Variants in HARS1 observed in about 807,000 individuals in gnomAD.
The protein encoded by HARS1 is histidyl-tRNA synthetase 1.
Under a neutral mutation model 63.6 loss-of-function variants are expected in HARS1, and 45 were observed. The observed-to-expected ratio is 0.71, with a 90% CI of 0.56 to 0.91. The LOEUF (loss-of-function observed/expected upper bound fraction) is 0.91, where lower values mean the gene tolerates loss of function less well. Ranked by LOEUF, HARS1 falls within the 40% of genes least tolerant of loss-of-function variation. The pLI is 0.00. For synonymous variants in HARS1, 205 were observed against 247.1 expected (o/e 0.83, Z 1.60); for missense variants, 508 against 643.2 (o/e 0.79, Z 2.27).
At chr5:140,685,701 C>A (rs1465937865) in intron 2 of HARS1, among the ~76,000 whole-genome samples, 41 of 136,570 alleles carry the variant, frequency 3.0e-4, no homozygotes, top group African/African-American at 1.1e-3. Flanking sequence ...AGCCTGGTGA[C>A]AGAGTGAGAC....
chr5:140,674,244 T>C lies in HARS1; in HGVS notation c.*13A>G. The stretch of plus-strand genomic sequence containing the variant: ...GCCAGTCCCACTTCCTTTCCTCTGA[T>C]AGTTTGTTCAGTTCAGCAGATGCAG... On this transcript the variant is annotated 3_prime_UTR_variant, in exon 13 of 13. Coordinates refer to ENST00000504156, the MANE Select transcript of HARS1 (RefSeq NM_002109.6). 1.3e-6 allele frequency: 2 copies of C among 1,545,910 alleles called. No individual in the cohort carries two copies. Among genetic ancestry groups the C allele is most frequent in the African/African-American group, 1.4e-5 (1 of 73,688 alleles).
Position 140,676,725 on chromosome 5 carries a change from G to A in HARS1, c.1123C>T (p.Arg375Cys), listed in dbSNP as rs774682373. The change falls in exon 10 of 13, where the codon CGC (arginine) becomes TGC (cysteine). Residue 375 changes from arginine to cysteine, a missense_variant. This residue lies in a region of HARS1 where 403 missense variants were observed against 548.7 expected (regional missense o/e 0.73). Transcript: ENST00000504156. The surrounding 1 kb of genome is among the most constrained non-coding windows in gnomAD (Gnocchi z 4.1). ...GLVGMFDPKGRKVPCVGLSIG... is the reference protein window; with the variant it reads ...GLVGMFDPKGCKVPCVGLSIG... ...CTGAGCCCCACACATGGCACCTTGCGCCCTTTGGGGTCGAACATGCCCACT... is the reference window on the plus strand; with the variant it reads ...CTGAGCCCCACACATGGCACCTTGCACCCTTTGGGGTCGAACATGCCCACT... 3.2e-5 allele frequency: 52 copies of A among 1,614,074 alleles called. No homozygotes were observed. The highest frequency in any genetic ancestry group is 7.7e-5 in the South Asian group (7 of 91,090).
intron 6 of HARS1, 67 bp from the exon 7 acceptor site, chr5:140,677,820 C>A: frequency 1.5e-6 from 2 of 1,370,154 alleles, no homozygotes; most frequent in South Asian, 2.3e-5. Flanking sequence ...TAGTCATGGT[C>A]ACTTAGGCTA....
At chr5:140,684,270 A>G (rs535134126) in intron 2 of HARS1, 1 of 797,958 alleles carries the variant, frequency 1.3e-6, no homozygotes. Flanking sequence ...AGCCTGGGAG[A>G]CAGAGCAAGA....
Position 140,676,591 on chromosome 5 carries a change from G to A in HARS1, c.1194+63C>T. 1 of 1,553,238 alleles carries A rather than the reference G, an allele frequency of 6.4e-7. No homozygotes were observed. Among genetic ancestry groups the A allele is most frequent in the East Asian group, 2.3e-5 (1 of 44,198 alleles). On this transcript the variant is annotated intron_variant, in intron 10 of 12. Transcript: ENST00000504156. The surrounding 1 kb of genome is among the most constrained non-coding windows in gnomAD (Gnocchi z 4.1). ...AAGCAGCACCACTTGCTCCCTTGGA[G>A]ATCAGATAGCTTAGGTGCCACCACC...
At chr5:140,682,984 G>T in intron 3 of HARS1, 116 bp downstream of exon 3, 2 of 885,572 alleles carry the variant, frequency 2.3e-6, no homozygotes, top group Non-Finnish European at 3.6e-6. Context: ...AGCAAAGACT[G>T]GTCTGTGTCC....
chr5:140,677,143 C>T (rs780253697), intron 8 of HARS1, 27 bp from the exon 9 acceptor site: 27 of 1,612,390 alleles, frequency 1.7e-5, no homozygotes, highest in Non-Finnish European at 2.3e-5. Flanking sequence ...GTGAGTGAGG[C>T]TGACAAGGAA....
chr5:140,679,171 T>C lies in HARS1; in HGVS notation c.397-44A>G. 3 of 1,605,224 alleles carry C rather than the reference T, an allele frequency of 1.9e-6. No homozygotes were observed. ...GGAGAAAGCCCCTCCTATCACTGTC[T>C]GCAAGTTGATTATCATCACCAACAG... On this transcript the variant is annotated intron_variant, in intron 4 of 12. Coordinates refer to ENST00000504156, the MANE Select transcript of HARS1 (RefSeq NM_002109.6). The surrounding 1 kb of genome is among the most constrained non-coding windows in gnomAD (Gnocchi z 4.3).
Position 140,673,931 on chromosome 5 carries a change from C to T in HARS1, c.*326G>A. On this transcript the variant is annotated 3_prime_UTR_variant, in exon 13 of 13. Transcript: ENST00000504156. ...CCGTGGTTGAGGCATTTTATTGGAC[C>T]TTTGGCAATTGGTGGTGGGGAGGCA... 1.8e-6 allele frequency: 1 copy of T among 559,240 alleles called. No individual in the cohort carries two copies. The highest frequency in any genetic ancestry group is 3.2e-6 in the Non-Finnish European group (1 of 312,692). The allele number at this position is 559,240 out of a possible 1,614,324, so 34.6% of individuals were successfully genotyped here.
chr5:140,674,304 C>G lies in HARS1; in HGVS notation c.1483G>C (p.Val495Leu), dbSNP rs1423976032. ...CCTGTTCTCCTTTTGATTTCCTCCA[C>G]AAGGTCTTCTCTTCGGACATCCACC... ...EEVDVRREDLVEEIKRRTGQP... is the reference protein window; with the variant it reads ...EEVDVRREDLLEEIKRRTGQP... Residue 495 changes from valine (V) to leucine (L), a missense_variant, in exon 13 of 13, where the codon GTG becomes CTG. Val to Leu is a conservative substitution (Grantham distance 32). This residue lies in a region of HARS1 where 403 missense variants were observed against 548.7 expected (regional missense o/e 0.73). Transcript: ENST00000504156. 1 of 1,612,000 alleles carries G rather than the reference C, an allele frequency of 6.2e-7. No homozygotes were observed. The highest frequency in any genetic ancestry group is 1.3e-5 in the African/African-American group (1 of 74,874).
chr5:140,689,814 A>G (rs1759267675), intron 2 of HARS1, among the ~76,000 whole-genome samples: 1 of 152,216 alleles, frequency 6.6e-6, no homozygotes, highest in Non-Finnish European at 1.5e-5. Flanking sequence ...ATGAAGGGGT[A>G]AACAGTTCTG....
chr5:140,690,987 T>G, intron 1 of HARS1, 43 bp from the exon 2 acceptor site: 1 of 1,137,506 alleles, frequency 8.8e-7, no homozygotes, highest in Non-Finnish European at 1.3e-6. Context: ...TCTGTCACTC[T>G]CCTCCCTCCC....
Position 140,677,317 on chromosome 5 carries a change from T to C in HARS1, c.823+10A>G. 1 of 1,599,076 alleles carries C rather than the reference T, an allele frequency of 6.3e-7. No homozygotes were observed. The highest frequency in any genetic ancestry group is 8.6e-7 in the Non-Finnish European group (1 of 1,166,642). ...GACGGCTGCTGGGGAGGCTTGGTTC[T>C]GTTCCTCACCATGTTGCTGGACATA... On this transcript the variant is annotated intron_variant, in intron 8 of 12. Transcript: ENST00000504156.
At chr5:140,687,794 G>A (rs1195764552) in intron 2 of HARS1, 1 of 152,066 alleles carries the variant, frequency 6.6e-6, no homozygotes, top group East Asian at 1.9e-4. Flanking sequence ...GAAAAAGGCA[G>A]ATAATGTCTT....
At chr5:140,677,140 A>G (rs1758425658) in intron 8 of HARS1, 24 bp from the exon 9 acceptor site, 1 of 1,612,394 alleles carries the variant, frequency 6.2e-7, no homozygotes. Context: ...CTTGTGAGTG[A>G]GGCTGACAAG....
chr5:140,686,966 T>C (rs188345926), intron 2 of HARS1, among the ~76,000 whole-genome samples: 78 of 152,356 alleles, frequency 5.1e-4, no homozygotes, highest in Middle Eastern at 6.8e-3. Context: ...GTCAGATGTT[T>C]TCCTTGAGGT....
Position 140,676,504 on chromosome 5 carries a change from G to A in HARS1, c.1194+150C>T, listed in dbSNP as rs528409446. The A allele has an allele frequency of 4.3e-5, 35 of 804,872 alleles. No individual in the cohort carries two copies. Among genetic ancestry groups the A allele is most frequent in the Non-Finnish European group, 6.9e-5 (34 of 493,430 alleles). The allele number at this position is 804,872 out of a possible 1,614,324, so 49.9% of individuals were successfully genotyped here. ...ATCCATAAAACTTACATATAATGGG[G>A]TAGAAATCTGTGAAAAAGAGCAATA... On this transcript the variant is annotated intron_variant, in intron 10 of 12. Coordinates refer to ENST00000504156, the MANE Select transcript of HARS1 (RefSeq NM_002109.6). The surrounding 1 kb of genome is among the most constrained non-coding windows in gnomAD (Gnocchi z 4.1).
At chr5:140,690,587 C>G (rs918410900) in intron 2 of HARS1, among the ~76,000 whole-genome samples, 2 of 152,176 alleles carry the variant, frequency 1.3e-5, no homozygotes, top group Non-Finnish European at 2.9e-5. Flanking sequence ...AGAGACATAG[C>G]GCTAAATACA....
At position 140,676,160 on chromosome 5, in the gene HARS1, T is replaced by C. The variant is rs1255442664; in HGVS notation, c.1194+494A>G. 1.3e-5 allele frequency: 2 copies of C among 155,922 alleles called. No individual in the cohort carries two copies. Among genetic ancestry groups the C allele is most frequent in the Non-Finnish European group, 2.8e-5 (2 of 70,610 alleles). The allele number at this position is 155,922 out of a possible 1,614,324, so 9.7% of individuals were successfully genotyped here. A position where few individuals can be genotyped will look rare whatever the true frequency, so the allele number is the denominator to read the frequency against. On this transcript the variant is annotated intron_variant, in intron 10 of 12. Coordinates refer to ENST00000504156, the MANE Select transcript of HARS1 (RefSeq NM_002109.6). This position sits in a 1 kb window ranked among gnomAD's most constrained non-coding sequence, Gnocchi z 4.1. ...GGCAAGACTTTGGAGTCAGACTGCC[T>C]GGATTCAAATTCTGACCCTACCACT...
Sources: gnomAD v4.1 joint callset for allele counts (sites outside exome capture counted in the v4.1 genomes callset) on GRCh38, gnomAD v4.1.1 for gene constraint, gnomAD v4.1.1 regional missense constraint, Gnocchi (gnomAD v3.1) non-coding constraint, MANE v1.5 for transcripts, NCBI Gene and HGNC (gene_info 2026-07-23, HGNC 2026-07-21) for gene names.